DISC1: variants seen among roughly 807,000 people sequenced by gnomAD.
DISC1 encodes disrupted in schizophrenia 1 protein.
DISC1 carries 57 observed loss-of-function variants against 84.5 expected under a neutral mutation model. The observed-to-expected ratio is 0.67, with a 90% CI of 0.55 to 0.84. DISC1 has a LOEUF of 0.84. DISC1 is among the 40% of genes least tolerant of loss of function. The pLI is 0.00. For missense variants in DISC1, 1,000 were observed against 1,057.8 expected, an observed-to-expected ratio of 0.95 and a Z score of 0.76; for synonymous variants, 411 against 415.2, an observed-to-expected ratio of 0.99 and a Z score of 0.12.
At chr1:232,014,385 T>G (rs1373585068) in intron 11 of DISC1, among the ~76,000 whole-genome samples, 1 of 152,234 alleles carries the variant, frequency 6.6e-6, no homozygotes, top group Admixed American at 6.5e-5. Context: ...CTGGTTTTGC[T>G]CTTTTTGTTT....
intron 9 of DISC1, among the ~76,000 whole-genome samples, chr1:231,819,579 A>G (rs1415001331): frequency 1.3e-5 from 2 of 151,910 alleles, no homozygotes; most frequent in South Asian, 4.1e-4. Context: ...TTTTCTTTTC[A>G]TTCTTAAAGG....
At chr1:232,005,065 TCTCCCTCC>T (rs140403941) in intron 10 of DISC1, among the ~76,000 whole-genome samples, 1 of 88,188 alleles carries the variant, frequency 1.1e-5, no homozygotes, top group East Asian at 3.8e-4. Context: ...TCCTTCCCTC[TCTCCCTCC>T]CTCCCTCCCT....
At chr1:231,857,813 C>T (rs200276649) in intron 9 of DISC1, among the ~76,000 whole-genome samples, 90 of 152,302 alleles carry the variant, frequency 5.9e-4, no homozygotes, top group Admixed American at 1.3e-3. Flanking sequence ...GGAATCTGGC[C>T]GCTTAGTGCA....
intron 6 of DISC1, among the ~76,000 whole-genome samples, chr1:231,776,607 C>T (rs973104038): frequency 3.3e-5 from 5 of 152,160 alleles, no homozygotes; most frequent in Non-Finnish European, 7.4e-5. Context: ...GGCTCCCTGG[C>T]GGGGGGCACT....
intron 9 of DISC1, among the ~76,000 whole-genome samples, chr1:231,840,415 T>G (rs1399528471): frequency 2.0e-5 from 3 of 152,336 alleles, no homozygotes; most frequent in African/African-American, 7.2e-5. Context: ...TGTCCTTCAC[T>G]GAGTGGATAG....
intron 9 of DISC1, among the ~76,000 whole-genome samples, chr1:231,952,711 A>G (rs866452395): frequency 0.033 from 4,842 of 145,146 alleles, 251 homozygotes; most frequent in African/African-American, 0.11. Flanking sequence ...ATATATATAT[A>G]TATGTATATA....
At chr1:231,681,405 TTGTGTGTGTG>T (rs562016510) in intron 1 of DISC1, among the ~76,000 whole-genome samples, 5 of 148,728 alleles carry the variant, frequency 3.4e-5, no homozygotes, top group African/African-American at 1.2e-4. Flanking sequence ...TCGTGTGTGT[TTGTGTGTGTG>T]TGTGTGTGTG....
At chr1:231,832,657 A>T (rs2082325316) in intron 9 of DISC1, among the ~76,000 whole-genome samples, 1 of 148,756 alleles carries the variant, frequency 6.7e-6, no homozygotes, top group South Asian at 2.2e-4. Flanking sequence ...GGCTGGGATG[A>T]AGGGTGCAAA....
chr1:231,866,899 A>G (rs2085103296), intron 9 of DISC1, among the ~76,000 whole-genome samples: 1 of 152,232 alleles, frequency 6.6e-6, no homozygotes, highest in Non-Finnish European at 1.5e-5. Flanking sequence ...CCTCTGCCGC[A>G]GGAGGGTACA....
chr1:231,663,840 T>C (rs1457967212), intron 1 of DISC1, among the ~76,000 whole-genome samples: 1 of 152,228 alleles, frequency 6.6e-6, no homozygotes, highest in Admixed American at 6.5e-5. Flanking sequence ...TGATTACTGT[T>C]ATATAGATGC....
chr1:231,647,797 C>T lies in DISC1; in HGVS notation c.67+20863C>T, dbSNP rs564824966. On this transcript the variant is annotated intron_variant, in intron 1 of 12. Transcript: ENST00000439617. The stretch of plus-strand genomic sequence containing the variant: ...TACATCCCTTGTAAGTTGGATTCCT[C>T]GGTGTTTTATTCTCTTTGTAGCAAT... 1.5e-4 allele frequency among the ~76,000 whole-genome samples: 23 copies of T among 152,142 alleles called. No individual in the cohort carries two copies. In the South Asian group the frequency reaches 3.1e-3, roughly 21 times the overall value.
intron 3 of DISC1, among the ~76,000 whole-genome samples, chr1:231,736,945 C>T (rs1057071924): frequency 7.9e-5 from 12 of 152,190 alleles, no homozygotes; most frequent in Admixed American, 7.2e-4. Context: ...GTGAAGATTT[C>T]TTGCTGCTTA....
chr1:231,926,700 A>G (rs1572106396), intron 9 of DISC1, among the ~76,000 whole-genome samples: 1 of 152,248 alleles, frequency 6.6e-6, no homozygotes, highest in Admixed American at 6.5e-5. Context: ...CACTTTTACA[A>G]GCAATAGAAG....
At chr1:231,953,989 G>A (rs1187575818) in intron 9 of DISC1, among the ~76,000 whole-genome samples, 1 of 152,152 alleles carries the variant, frequency 6.6e-6, no homozygotes, top group Non-Finnish European at 1.5e-5. Context: ...TTATGCAAGG[G>A]ATACAATTCA....
intron 10 of DISC1, among the ~76,000 whole-genome samples, chr1:231,986,809 G>C (rs1232775091): frequency 6.6e-6 from 1 of 152,140 alleles, no homozygotes; most frequent in Non-Finnish European, 1.5e-5. Flanking sequence ...ATAAGGATGT[G>C]GCGGGCCATG....
At chr1:231,978,887 C>G (rs1164845087) in intron 10 of DISC1, among the ~76,000 whole-genome samples, 4 of 152,170 alleles carry the variant, frequency 2.6e-5, no homozygotes, top group Non-Finnish European at 5.9e-5. Context: ...GTCTCCAACC[C>G]CCGGGCCATG....
At chr1:231,870,532 G>T (rs554642728) in intron 9 of DISC1, among the ~76,000 whole-genome samples, 1 of 152,196 alleles carries the variant, frequency 6.6e-6, no homozygotes, top group Non-Finnish European at 1.5e-5. Flanking sequence ...TCCTGAGCTC[G>T]TTGTGGGAAG....
intron 10 of DISC1, among the ~76,000 whole-genome samples, chr1:231,976,669 C>T (rs1008859541): frequency 6.6e-6 from 1 of 152,148 alleles, no homozygotes; most frequent in Non-Finnish European, 1.5e-5. Flanking sequence ...AACTCCATAC[C>T]TTTGACGCTA....
intron 8 of DISC1, among the ~76,000 whole-genome samples, chr1:231,815,554 TG>T (rs1162341658): frequency 6.6e-6 from 1 of 152,098 alleles, no homozygotes; most frequent in African/African-American, 2.4e-5. Context: ...CTGGCCAACA[TG>T]GTGAAACCCC....
Sources: allele counts gnomAD v4.1 joint callset (sites outside exome capture counted in the v4.1 genomes callset), GRCh38; gene constraint gnomAD v4.1.1; transcripts MANE v1.5; gene names NCBI Gene and HGNC (gene_info 2026-07-23, HGNC 2026-07-21).